Variants in HSD17B12 observed in about 807,000 individuals in gnomAD.
HSD17B12 encodes the protein very-long-chain 3-oxoacyl-CoA reductase.
HSD17B12 carries 32 observed loss-of-function variants against 39.3 expected under a neutral mutation model. That is an observed-to-expected ratio of 0.81 (90% confidence interval 0.61 to 1.09). The LOEUF is 1.09. HSD17B12 is among the 50% of genes least tolerant of loss of function. The pLI, the probability that HSD17B12 is intolerant of heterozygous loss-of-function variation, is 0.00. For missense variants in HSD17B12, 342 were observed against 382.9 expected (o/e 0.89, Z 0.89); for synonymous variants, 150 against 146.7 (o/e 1.02, Z -0.16).
the HSD17B12 span, among the ~76,000 whole-genome samples, chr11:43,672,548 TTTTG>T: frequency 3.3e-5 from 5 of 152,132 alleles, no homozygotes; most frequent in Non-Finnish European, 7.4e-5. Context: ...TAATAGGTGT[TTTTG>T]TTTGTTTGTT....
At chr11:43,704,939 G>A (rs1193256535) in intron 1 of HSD17B12, among the ~76,000 whole-genome samples, 5 of 152,148 alleles carry the variant, frequency 3.3e-5, no homozygotes, top group African/African-American at 9.7e-5. Context: ...GTACCTGAAT[G>A]TTTCCTGTTA....
At chr11:43,841,502 G>A (rs1388259809) in intron 9 of HSD17B12, among the ~76,000 whole-genome samples, 4 of 152,136 alleles carry the variant, frequency 2.6e-5, no homozygotes, top group Admixed American at 2.6e-4. Flanking sequence ...CTGTTTTCCT[G>A]TAAGAGTTTT....
At chr11:43,616,269 G>A in the HSD17B12 span, among the ~76,000 whole-genome samples, 3 of 151,852 alleles carry the variant, frequency 2.0e-5, no homozygotes, top group South Asian at 4.2e-4. Context: ...AAATTGGCTG[G>A]GTGTGGCAGC....
intron 1 of HSD17B12, among the ~76,000 whole-genome samples, chr11:43,739,909 C>T (rs1950348926): frequency 6.6e-6 from 1 of 152,032 alleles, no homozygotes; most frequent in African/African-American, 2.4e-5. Flanking sequence ...GAGTGAGAAG[C>T]CAGTGACAGG....
chr11:43,642,810 T>C, the HSD17B12 span, among the ~76,000 whole-genome samples: 1 of 151,920 alleles, frequency 6.6e-6, no homozygotes, highest in Non-Finnish European at 1.5e-5. Context: ...GCATTTGTCT[T>C]AATTGTTTAG....
the HSD17B12 span, among the ~76,000 whole-genome samples, chr11:43,632,453 G>T: frequency 6.6e-6 from 1 of 152,212 alleles, no homozygotes; most frequent in African/African-American, 2.4e-5. Flanking sequence ...GAAAGCTGAT[G>T]TCATTGGAAG....
intron 6 of HSD17B12, among the ~76,000 whole-genome samples, chr11:43,827,317 C>T (rs1373609532): frequency 6.6e-6 from 1 of 152,040 alleles, no homozygotes; most frequent in Non-Finnish European, 1.5e-5. Context: ...TTTCTTTGTA[C>T]TGTTCTCTCT....
At chr11:43,602,862 G>A in the HSD17B12 span, among the ~76,000 whole-genome samples, 4 of 151,928 alleles carry the variant, frequency 2.6e-5, no homozygotes, top group Admixed American at 6.6e-5. Flanking sequence ...CCCCTGTCAA[G>A]CAGAAGTGAT....
At chr11:43,814,703 A>G (rs1374703537) in intron 4 of HSD17B12, among the ~76,000 whole-genome samples, 1 of 152,162 alleles carries the variant, frequency 6.6e-6, no homozygotes, top group African/African-American at 2.4e-5. Context: ...TATTGGAGAC[A>G]TTTAGTCTGA....
At chr11:43,810,370 TATATATATATATA>T (rs767975585) in intron 4 of HSD17B12, among the ~76,000 whole-genome samples, 51,823 of 104,714 alleles carry the variant, frequency 0.49, 10,300 homozygotes, top group East Asian at 0.72. Flanking sequence ...TTAGAAATTA[TATATATATATATA>T]TATATATATA....
At chr11:43,609,605 A>G in the HSD17B12 span, among the ~76,000 whole-genome samples, 1 of 152,088 alleles carries the variant, frequency 6.6e-6, no homozygotes, top group South Asian at 2.1e-4. Flanking sequence ...CCTGAGCTCA[A>G]GTGATCCTCC....
At chr11:43,701,460 A>G (rs1949963941) in intron 1 of HSD17B12, among the ~76,000 whole-genome samples, 1 of 152,188 alleles carries the variant, frequency 6.6e-6, no homozygotes. Flanking sequence ...GTAGTTTCAT[A>G]GTTTGAGGTC....
chr11:43,737,898 C>T (rs1296318083), intron 1 of HSD17B12, among the ~76,000 whole-genome samples: 1 of 151,892 alleles, frequency 6.6e-6, no homozygotes, highest in Non-Finnish European at 1.5e-5. Flanking sequence ...ACGGTGAAAC[C>T]TCATCTCTAC....
At chr11:43,854,611 C>A in intron 9 of HSD17B12, 104 bp from the exon 10 acceptor site, 1 of 1,237,648 alleles carries the variant, frequency 8.1e-7, no homozygotes, top group Non-Finnish European at 1.1e-6. Flanking sequence ...TGTAAAGATA[C>A]AGATGTTTCT....
the HSD17B12 span, among the ~76,000 whole-genome samples, chr11:43,633,000 G>A: frequency 6.6e-6 from 1 of 152,280 alleles, no homozygotes; most frequent in South Asian, 2.1e-4. Flanking sequence ...GTAAAGAGGA[G>A]GGGTTTTGAA....
the HSD17B12 span, among the ~76,000 whole-genome samples, chr11:43,577,861 G>C: frequency 7.9e-5 from 12 of 152,194 alleles, no homozygotes; most frequent in African/African-American, 2.9e-4. Context: ...AGGGAAATTG[G>C]GGAGGAGGTG....
rs1424628959 is a variant in HSD17B12 at position 43,856,590 on chromosome 11, GA to G, written c.*1344del. The G allele has an allele frequency of 6.6e-6, 1 of 152,140 alleles. No homozygotes were observed. The highest frequency in any genetic ancestry group is 2.4e-5 in the African/African-American group (1 of 41,436). The allele number at this position is 152,140 out of a possible 1,614,324, so 9.4% of individuals were successfully genotyped here. On this transcript the variant is annotated 3_prime_UTR_variant, in exon 11 of 11. Coordinates refer to ENST00000278353, the MANE Select transcript of HSD17B12 (RefSeq NM_016142.3). ...CAGAATAAAGGTTGTCATTTAAGTT[GA>G]ATAAATATATAGCTTTATGAAAAAC...
At chr11:43,643,878 C>A in the HSD17B12 span, among the ~76,000 whole-genome samples, 1 of 152,060 alleles carries the variant, frequency 6.6e-6, no homozygotes, top group Non-Finnish European at 1.5e-5. Flanking sequence ...ATGATAAAGT[C>A]GAAGGGGAAG....
chr11:43,649,715 T>A, the HSD17B12 span, among the ~76,000 whole-genome samples: 40 of 152,246 alleles, frequency 2.6e-4, no homozygotes, highest in African/African-American at 5.3e-4. Context: ...CTTCCTTGAA[T>A]CTGAGTGGAT....
Sources: gnomAD v4.1 joint callset for allele counts (sites outside exome capture counted in the v4.1 genomes callset) on GRCh38, gnomAD v4.1.1 for gene constraint, MANE v1.5 for transcripts, NCBI Gene and HGNC (gene_info 2026-07-23, HGNC 2026-07-21) for gene names.